The following LRRC41 variants were observed in gnomAD, a reference collection of about 807,000 sequenced individuals.
LRRC41 encodes the protein leucine-rich repeat-containing protein 41.
In LRRC41, 17 loss-of-function variants were observed where a neutral mutation model predicts 72.1. The ratio of observed to expected loss-of-function variants is 0.24; its 90% CI spans 0.16 to 0.35. LRRC41 has a LOEUF of 0.35. LRRC41 is among the 10% of genes least tolerant of loss of function. The pLI, the probability that LRRC41 is intolerant of heterozygous loss-of-function variation, is 1.00. For missense variants in LRRC41, 759 were observed against 1,065.0 expected, an observed-to-expected ratio of 0.71 and a Z score of 4.00; for synonymous variants, 427 against 431.0, an observed-to-expected ratio of 0.99 and a Z score of 0.11.
chr1:46,280,374 CA>C, intron 6 of LRRC41, 21 bp downstream of exon 6: 2 of 1,614,162 alleles, frequency 1.2e-6, no homozygotes, highest in Non-Finnish European at 1.7e-6. Context: ...CCTCTCCCTT[CA>C]CCATTCTGGC....
In LRRC41 at chr1:46,286,213, C is replaced by T. The variant is rs370226931; in HGVS notation, c.644G>A (p.Arg215Gln). 5.5e-5 allele frequency: 88 copies of T among 1,614,068 alleles called. 1 individual carries two copies. The highest frequency in any genetic ancestry group is 6.9e-5 in the Non-Finnish European group (82 of 1,180,050). ...GTGAATGAGCTGATGCAACAGCTGC[C>T]GAAGTGACTGCTGAGCAGCCACATC... ...FSDVAAQQSL[R>Q]QLLHQLIHHG... Residue 215 changes from arginine to glutamine, a missense_variant, in exon 4 of 10, where the codon CGG (arginine) becomes CAG (glutamine). Physicochemically the swap from Arg to Gln is conservative, Grantham distance 43. Coordinates refer to ENST00000617190, the MANE Select transcript of LRRC41 (RefSeq NM_006369.5). This position sits in a 1 kb window ranked among gnomAD's most constrained non-coding sequence, Gnocchi z 5.5.
chr1:46,285,203 C>G lies in LRRC41; in HGVS notation c.1495+159G>C, dbSNP rs1660859663. 1 of 695,718 alleles carries G rather than the reference C, an allele frequency of 1.4e-6. No individual in the cohort carries two copies. Among genetic ancestry groups the G allele is most frequent in the Non-Finnish European group, 2.5e-6 (1 of 399,788 alleles). The allele number at this position is 695,718 out of a possible 1,614,324, so 43.1% of individuals were successfully genotyped here. A position where few individuals can be genotyped will look rare whatever the true frequency, so the allele number is the denominator to read the frequency against. On this transcript the variant is annotated intron_variant, in intron 4 of 9. Coordinates refer to ENST00000617190, the MANE Select transcript of LRRC41 (RefSeq NM_006369.5). The surrounding 1 kb of genome is among the most constrained non-coding windows in gnomAD (Gnocchi z 5.3). ...TGTATAGACTTTATGTTCCTCTCTT[C>G]TAGCAATGACAGTCTCCCCTGCTAT...
Position 46,283,316 on chromosome 1 carries a change from T to C in LRRC41, c.1496-1931A>G, listed in dbSNP as rs115523675. On this transcript the variant is annotated intron_variant, in intron 4 of 9. Coordinates refer to ENST00000617190, the MANE Select transcript of LRRC41 (RefSeq NM_006369.5). ...ATGTGGAGATAGAGAAATAAATGTA[T>C]TTAACAAATTGTAAAGATAGGGCTG... is the stretch of plus-strand genomic sequence containing the variant. Among the ~76,000 whole-genome samples, 770 of 152,242 alleles carry C rather than the reference T, an allele frequency of 5.1e-3. 6 individuals carry two copies. The highest frequency in any genetic ancestry group is 0.017 in the African/African-American group (706 of 41,560).
chr1:46,292,629 G>A (rs1415245390), intron 3 of LRRC41, among the ~76,000 whole-genome samples: 1 of 152,096 alleles, frequency 6.6e-6, no homozygotes. Context: ...CACTTTACTG[G>A]GGATTTTTGT....
rs1275414133 is a variant in LRRC41, at chr1:46,280,482, G to A, written c.1835C>T (p.Ala612Val). 2 of 1,614,068 alleles carry A rather than the reference G, an allele frequency of 1.2e-6. No homozygotes were observed. The highest frequency in any genetic ancestry group is 1.7e-6 in the Non-Finnish European group (2 of 1,180,038). ...GGACAGCTGCTGCAGAGAACCCGAGGCCTTCAGAACGGAGCACAGCAGTGG... is the reference window on the plus strand; with the variant it reads ...GGACAGCTGCTGCAGAGAACCCGAGACCTTCAGAACGGAGCACAGCAGTGG... Reference protein sequence around the residue: ...PAPLLCSVLKASGSLQQLSLD... With the variant: ...PAPLLCSVLKVSGSLQQLSLD... Residue 612 changes from alanine (A) to valine (V), a missense_variant, in exon 6 of 10, where the codon GCC becomes GTC. Ala to Val is a moderately conservative substitution (Grantham distance 64, BLOSUM62 0). Around this residue, in one of 4 missense-constraint regions of LRRC41, gnomAD observed 427 missense variants for 520.9 expected, o/e 0.82. Transcript: ENST00000617190.
intron 4 of LRRC41, 35 bp from the exon 5 acceptor site, chr1:46,281,420 G>A (rs1464855138): frequency 6.2e-7 from 1 of 1,605,884 alleles, no homozygotes; most frequent in African/African-American, 1.3e-5. Flanking sequence ...AGAACCATGT[G>A]GGAGTGTCAG....
Position 46,284,713 on chromosome 1 carries a change from T to G in LRRC41, c.1495+649A>C, listed in dbSNP as rs547910596. ...TTTCTCTGTGAAGTAGGTGAGGTCA[T>G]CCCTGAGAAGGGAAAAGGAGAGTTT... On this transcript the variant is annotated intron_variant, in intron 4 of 9. Coordinates refer to ENST00000617190, the MANE Select transcript of LRRC41 (RefSeq NM_006369.5). Among the ~76,000 whole-genome samples the G allele has an allele frequency of 2.6e-5, 4 of 152,164 alleles. No homozygotes were observed. In the East Asian group the frequency reaches 7.7e-4, roughly 29 times the overall value.
chr1:46,296,448 A>G (rs1257008118), intron 3 of LRRC41, among the ~76,000 whole-genome samples: 1 of 151,446 alleles, frequency 6.6e-6, no homozygotes, highest in East Asian at 1.9e-4. Context: ...AAACAAAACA[A>G]AACTGTTAGG....
chr1:46,281,141 G>T lies in LRRC41; in HGVS notation c.1740C>A (p.Gly580=). The change falls in exon 5 of 10, where the codon GGC becomes GGA. Residue 580 remains glycine (G), a synonymous_variant. Coordinates refer to ENST00000617190, the MANE Select transcript of LRRC41 (RefSeq NM_006369.5). ...GTGCTTCACCTGGTATCTCCTCATC[G>T]CCTATTATGTGGCTAGGGGGCCCTG... ...GNAGPPSHII[G]DEEIPENCLE... 1 of 1,613,880 alleles carries T rather than the reference G, an allele frequency of 6.2e-7. No individual in the cohort carries two copies. Among genetic ancestry groups the T allele is most frequent in the Non-Finnish European group, 8.5e-7 (1 of 1,179,874 alleles).
chr1:46,296,059 C>G (rs1316118028), intron 3 of LRRC41, among the ~76,000 whole-genome samples: 1 of 152,220 alleles, frequency 6.6e-6, no homozygotes. Context: ...AACCTTCTTA[C>G]TATCCTCTAT....
At chr1:46,284,785 C>A (rs1001696574) in intron 4 of LRRC41, among the ~76,000 whole-genome samples, 1 of 152,128 alleles carries the variant, frequency 6.6e-6, no homozygotes, top group Non-Finnish European at 1.5e-5. Flanking sequence ...AGTGAAGGTT[C>A]ATACGAGGTT....
At chr1:46,281,015 G>T in intron 5 of LRRC41, 110 bp downstream of exon 5, 1 of 1,459,688 alleles carries the variant, frequency 6.9e-7, no homozygotes, top group Non-Finnish European at 9.3e-7. Flanking sequence ...AGATAAGCCA[G>T]GAATGAGTGA....
intron 3 of LRRC41, among the ~76,000 whole-genome samples, chr1:46,291,380 G>A (rs1661012392): frequency 6.6e-6 from 1 of 151,942 alleles, no homozygotes; most frequent in South Asian, 2.1e-4. Flanking sequence ...ATCACCCAGG[G>A]CTGCAGTGCA....
At position 46,285,946 on chromosome 1, in the gene LRRC41, C is replaced by G. The variant is rs1569643620; in HGVS notation, c.911G>C (p.Ser304Thr). 4 of 1,534,206 alleles carry G rather than the reference C, an allele frequency of 2.6e-6. No homozygotes were observed. The highest frequency in any genetic ancestry group is 1.4e-5 in the African/African-American group (1 of 72,462). The part of the protein sequence containing the change: ...AERCAAALMA[S>T]RRKSEAKQMP... ...CTGCTTGGCTTCACTCTTACGCCGG[C>G]TGGCCATCAGGGCTGCAGCACATCG... The change falls in exon 4 of 10, where the codon AGC (serine) becomes ACC (threonine). Residue 304 changes from serine (S) to threonine (T), a missense_variant. Physicochemically the swap from Ser to Thr is moderately conservative, Grantham distance 58. Coordinates refer to ENST00000617190, the MANE Select transcript of LRRC41 (RefSeq NM_006369.5). The surrounding 1 kb of genome is among the most constrained non-coding windows in gnomAD (Gnocchi z 5.3).
chr1:46,298,430 T>C, intron 1 of LRRC41, 60 bp from the exon 2 acceptor site: 1 of 1,037,768 alleles, frequency 9.6e-7, no homozygotes, highest in Non-Finnish European at 1.4e-6. Flanking sequence ...CCAAGAGGTT[T>C]CCAAGCATTA....
chr1:46,291,621 A>G (rs6686393), intron 3 of LRRC41, among the ~76,000 whole-genome samples: 139,148 of 145,108 alleles, frequency 0.96, 66,749 homozygotes, highest in East Asian at 1. Flanking sequence ...GTGCAATGGC[A>G]CAATCTTGGC....
intron 3 of LRRC41, among the ~76,000 whole-genome samples, chr1:46,290,753 C>T (rs1311757996): frequency 6.6e-6 from 1 of 151,656 alleles, no homozygotes; most frequent in Non-Finnish European, 1.5e-5. Context: ...ACTACAGGCA[C>T]ACAACACCAT....
chr1:46,291,690 G>T (rs1444724972), intron 3 of LRRC41, among the ~76,000 whole-genome samples: 1 of 150,796 alleles, frequency 6.6e-6, no homozygotes, highest in African/African-American at 2.4e-5. Context: ...CTCTTGAGTA[G>T]CTGGGACTAC....
At chr1:46,282,407 GTTCA>G (rs1180722123) in intron 4 of LRRC41, among the ~76,000 whole-genome samples, 2 of 152,182 alleles carry the variant, frequency 1.3e-5, no homozygotes, top group African/African-American at 2.4e-5. Context: ...GCAGGCTCCT[GTTCA>G]TTCATTCAAC....
Sources: gnomAD v4.1 joint callset for allele counts (sites outside exome capture counted in the v4.1 genomes callset) on GRCh38, gnomAD v4.1.1 for gene constraint, gnomAD v4.1.1 regional missense constraint, Gnocchi (gnomAD v3.1) non-coding constraint, MANE v1.5 for transcripts, NCBI Gene and HGNC (gene_info 2026-07-23, HGNC 2026-07-21) for gene names.